Variants in RAB3GAP1 observed in about 807,000 individuals in gnomAD.
RAB3GAP1 encodes rab3 GTPase-activating protein catalytic subunit.
A neutral mutation model predicts 130.7 loss-of-function variants in RAB3GAP1; 86 were observed. That is an observed-to-expected ratio of 0.66 (90% CI 0.55 to 0.79). The LOEUF (loss-of-function observed/expected upper bound fraction) is 0.79, where lower values mean the gene tolerates loss of function less well. Among genes scored for constraint, RAB3GAP1 ranks in the 30% least tolerant of loss-of-function variants. RAB3GAP1 has a pLI of 0.00. For synonymous variants in RAB3GAP1, 367 were observed against 401.7 expected, an observed-to-expected ratio of 0.91 and a Z score of 1.03; for missense variants, 1,029 against 1,169.4, an observed-to-expected ratio of 0.88 and a Z score of 1.75.
intron 5 of RAB3GAP1, among the ~76,000 whole-genome samples, chr2:135,107,975 C>CAAAAAAAA (rs59782185): frequency 1.9e-5 from 1 of 51,932 alleles, no homozygotes; most frequent in Non-Finnish European, 4.5e-5. Flanking sequence ...AACTCCATCT[C>CAAAAAAAA]AAAAAAAAAA....
At chr2:135,082,107 A>T (rs908173818) in intron 3 of RAB3GAP1, among the ~76,000 whole-genome samples, 2 of 150,542 alleles carry the variant, frequency 1.3e-5, no homozygotes, top group South Asian at 4.2e-4. Flanking sequence ...ATGACATTGC[A>T]CTCCAGCCTG....
At chr2:135,164,169 G>C (rs183289561) in intron 22 of RAB3GAP1, among the ~76,000 whole-genome samples, 1 of 152,006 alleles carries the variant, frequency 6.6e-6, no homozygotes, top group Non-Finnish European at 1.5e-5. Context: ...ATATGTGCAC[G>C]TGTGCGTGCA....
chr2:135,112,826 T>TCACA (rs771767425), intron 5 of RAB3GAP1, among the ~76,000 whole-genome samples: 3 of 129,950 alleles, frequency 2.3e-5, no homozygotes, highest in Admixed American at 7.8e-5. Flanking sequence ...TCTCTCTCTC[T>TCACA]CTCTCTCTCA....
intron 17 of RAB3GAP1, among the ~76,000 whole-genome samples, chr2:135,145,106 T>G (rs1420248342): frequency 6.6e-6 from 1 of 152,214 alleles, no homozygotes; most frequent in Non-Finnish European, 1.5e-5. Context: ...TACATTTTTA[T>G]GGGGTACATA....
At chr2:135,060,816 A>G (rs977482235) in intron 3 of RAB3GAP1, among the ~76,000 whole-genome samples, 10 of 151,852 alleles carry the variant, frequency 6.6e-5, no homozygotes, top group African/African-American at 2.2e-4. Context: ...AGCAAGTCAT[A>G]TGCCTTAGCC....
At position 135,120,825 on chromosome 2, in the gene RAB3GAP1, C is replaced by G. The variant is rs763761061; in HGVS notation, c.655C>G (p.Pro219Ala). The G allele has an allele frequency of 6.9e-6, 11 of 1,598,170 alleles. No individual in the cohort carries two copies. The East Asian group carries it at 2.5e-4, about 36-fold the overall frequency. The change falls in exon 8 of 24, where the codon CCT (proline) becomes GCT (alanine). Residue 219 changes from proline to alanine, a missense_variant. Physicochemically the swap from Pro to Ala is conservative, Grantham distance 27 (BLOSUM62 -1). Coordinates refer to ENST00000264158, the MANE Select transcript of RAB3GAP1 (RefSeq NM_012233.3). Reference protein sequence around the residue: ...LDIFKSKIGCPLTPLPPVSIA... With the variant: ...LDIFKSKIGCALTPLPPVSIA... Reference sequence around the variant, plus strand: ...CTTTGCATGTATTTCCTAGGGATGTCCTTTAACTCCATTGCCTCCAGTTAG... The same window carrying G: ...CTTTGCATGTATTTCCTAGGGATGTGCTTTAACTCCATTGCCTCCAGTTAG...
chr2:135,128,693 A>G (rs937514844), intron 11 of RAB3GAP1, among the ~76,000 whole-genome samples: 1 of 152,214 alleles, frequency 6.6e-6, no homozygotes, highest in Non-Finnish European at 1.5e-5. Flanking sequence ...ACCTTTCTGA[A>G]GAAGCCTCAA....
At chr2:135,077,562 T>C (rs188572630) in intron 3 of RAB3GAP1, among the ~76,000 whole-genome samples, 8 of 152,244 alleles carry the variant, frequency 5.3e-5, no homozygotes, top group Admixed American at 3.9e-4. Flanking sequence ...TGGTGTCACC[T>C]CTTTTGGGTA....
chr2:135,064,399 A>G (rs938191680), intron 3 of RAB3GAP1, among the ~76,000 whole-genome samples: 4 of 151,812 alleles, frequency 2.6e-5, no homozygotes, highest in African/African-American at 9.7e-5. Flanking sequence ...TCTGTTCCTT[A>G]GGTTGAATAA....
At chr2:135,092,154 A>C (rs974332981) in intron 4 of RAB3GAP1, among the ~76,000 whole-genome samples, 1 of 152,354 alleles carries the variant, frequency 6.6e-6, no homozygotes, top group Non-Finnish European at 1.5e-5. Flanking sequence ...GCAGTTATAC[A>C]GCAAAAGAAA....
intron 3 of RAB3GAP1, among the ~76,000 whole-genome samples, chr2:135,081,327 A>AAAAAAAAATAT (rs1363481112): frequency 3.1e-5 from 2 of 64,044 alleles, no homozygotes; most frequent in Admixed American, 2.8e-4. Flanking sequence ...AAAAAAAAAA[A>AAAAAAAAATAT]ATATATATAT....
chr2:135,175,864 G>C (rs1232553348), intron 24 of RAB3GAP1, among the ~76,000 whole-genome samples: 2 of 152,206 alleles, frequency 1.3e-5, no homozygotes, highest in African/African-American at 2.4e-5. Context: ...CAAAAGATAT[G>C]CAAGGTTTCC....
intron 7 of RAB3GAP1, among the ~76,000 whole-genome samples, chr2:135,118,941 G>T (rs1271343406): frequency 6.6e-6 from 1 of 152,124 alleles, no homozygotes; most frequent in Non-Finnish European, 1.5e-5. Flanking sequence ...ACTGGACTGA[G>T]CCCTTTTGGT....
intron 3 of RAB3GAP1, 190 bp downstream of exon 3, chr2:135,058,276 A>C (rs1689071990): frequency 5.2e-6 from 3 of 572,628 alleles, no homozygotes; most frequent in Non-Finnish European, 9.3e-6. Flanking sequence ...GACATTTGTG[A>C]AATGTTTAAT....
At chr2:135,173,872 A>ATGGATGCC (rs1692933186), downstream of RAB3GAP1, among the ~76,000 whole-genome samples, 2 of 152,168 alleles carry the variant, frequency 1.3e-5, no homozygotes. Flanking sequence ...GGTTGGATGG[A>ATGGATGCC]TGGATGCCTC....
intron 3 of RAB3GAP1, among the ~76,000 whole-genome samples, chr2:135,081,327 A>AAAAAAAATATATAT (rs1363481112): frequency 6.2e-5 from 4 of 64,070 alleles, no homozygotes; most frequent in Admixed American, 2.8e-4. Flanking sequence ...AAAAAAAAAA[A>AAAAAAAATATATAT]ATATATATAT....
At chr2:135,103,941 A>G (rs544994294) in intron 5 of RAB3GAP1, among the ~76,000 whole-genome samples, 44 of 152,194 alleles carry the variant, frequency 2.9e-4, no homozygotes, top group Non-Finnish European at 5.4e-4. Context: ...ATGACAGGAA[A>G]ACTACATATA....
chr2:135,143,176 G>A (rs748826980), intron 17 of RAB3GAP1, among the ~76,000 whole-genome samples: 46 of 151,716 alleles, frequency 3.0e-4, no homozygotes, highest in Non-Finnish European at 5.3e-4. Context: ...TTGGCAAATA[G>A]TGTTTTTCAA....
chr2:135,118,663 C>T (rs1304364799), intron 7 of RAB3GAP1, among the ~76,000 whole-genome samples: 1 of 152,050 alleles, frequency 6.6e-6, no homozygotes, highest in Non-Finnish European at 1.5e-5. Context: ...TCTAGTGATT[C>T]TGTAGTTTTA....
Sources: allele counts gnomAD v4.1 joint callset (sites outside exome capture counted in the v4.1 genomes callset), GRCh38; gene constraint gnomAD v4.1.1; transcripts MANE v1.5; gene names NCBI Gene and HGNC (gene_info 2026-07-23, HGNC 2026-07-21).